Variants in TBX18 observed in about 807,000 individuals in gnomAD.
TBX18 encodes T-box transcription factor TBX18.
A neutral mutation model predicts 55.0 loss-of-function variants in TBX18; 21 were observed. The ratio of observed to expected loss-of-function variants is 0.38; its 90% CI spans 0.27 to 0.55. TBX18 has a LOEUF of 0.55. Ranked by LOEUF, TBX18 falls within the 20% of genes least tolerant of loss-of-function variation. The pLI, the probability that TBX18 is intolerant of heterozygous loss-of-function variation, is 0.73. For synonymous variants in TBX18, 342 were observed against 326.1 expected (o/e 1.05, Z -0.53); for missense variants, 840 against 799.6 (o/e 1.05, Z -0.61).
intron 6 of TBX18, among the ~76,000 whole-genome samples, chr6:84,739,947 C>T (rs6904868): frequency 0.046 from 6,943 of 152,296 alleles, 570 homozygotes; most frequent in African/African-American, 0.16. Context: ...AATACGCCTA[C>T]CCCATCTTAG....
chr6:84,744,344 A>T lies in TBX18; in HGVS notation c.940-19T>A. The T allele has an allele frequency of 6.2e-7, 1 of 1,604,000 alleles. No homozygotes were observed. Among genetic ancestry groups the T allele is most frequent in the Non-Finnish European group, 8.5e-7 (1 of 1,175,196 alleles). ...GAGTAATCTGCAGAGTAGGAAAAAAAAATATCAAATCTTATATAAATGTCA... is the reference window on the plus strand; with the variant it reads ...GAGTAATCTGCAGAGTAGGAAAAAATAATATCAAATCTTATATAAATGTCA... On this transcript the variant is annotated intron_variant, in intron 5 of 7. Transcript: ENST00000369663.
Position 84,764,051 on chromosome 6 carries a change from T to G in TBX18, c.131A>C (p.Glu44Ala). The G allele has an allele frequency of 6.4e-7, 1 of 1,561,330 alleles. No homozygotes were observed. Among genetic ancestry groups the G allele is most frequent in the Non-Finnish European group, 8.6e-7 (1 of 1,156,552 alleles). Residue 44 changes from glutamate (E) to alanine (A), a missense_variant, in exon 1 of 8, where the codon GAA becomes GCA. By Grantham distance (107) the Glu-to-Ala change is moderately radical (BLOSUM62 -1). Coordinates refer to ENST00000369663, the MANE Select transcript of TBX18 (RefSeq NM_001080508.3). ...GTCGTCCACGGCCCCCGCCGCCTCTTCGGCGCCCAGTTTTCGCCGCTTCTT... is the reference window on the plus strand; with the variant it reads ...GTCGTCCACGGCCCCCGCCGCCTCTGCGGCGCCCAGTTTTCGCCGCTTCTT... ...LQKKRRKLGA[E>A]EAAGAVDDGG...
At chr6:84,762,932 A>AT (rs1767695547) in intron 1 of TBX18, 184 bp from the exon 2 acceptor site, 1 of 631,320 alleles carries the variant, frequency 1.6e-6, no homozygotes, top group Admixed American at 2.8e-5. Context: ...TGCCTGTCGA[A>AT]GGGGCGCATT....
Position 84,738,916 on chromosome 6 carries a change from C to T in TBX18, c.1005-325G>A, listed in dbSNP as rs541724763. Among the ~76,000 whole-genome samples the T allele has an allele frequency of 2.6e-5, 4 of 152,238 alleles. No individual in the cohort carries two copies. The South Asian group carries it at 8.3e-4, about 32-fold the overall frequency. On this transcript the variant is annotated intron_variant, in intron 6 of 7. Transcript: ENST00000369663. ...GAGTCCCTCCTGGCTGCTGTGAGTC[C>T]AAGGCTCTGCTGTGATCTGGAACAC...
intron 2 of TBX18, 92 bp downstream of exon 2, chr6:84,762,452 C>G: frequency 6.9e-7 from 1 of 1,448,756 alleles, no homozygotes; most frequent in East Asian, 2.3e-5. Context: ...GAACCCCCAC[C>G]GAGCTGCAGG....
chr6:84,759,206 A>G (rs1482897669), intron 3 of TBX18, among the ~76,000 whole-genome samples: 1 of 152,142 alleles, frequency 6.6e-6, no homozygotes, highest in East Asian at 1.9e-4. Context: ...TATACACAAA[A>G]CAAATAATAA....
rs1773849411 is a variant in TBX18 at position 84,733,175 on chromosome 6, T to C, written c.*3510A>G. On this transcript the variant is annotated 3_prime_UTR_variant, in exon 8 of 8. Transcript: ENST00000369663. ...TAGAGGGATACTAAGTTTATATATC[T>C]GTTGAATGTTTGTATACTTGAATAT... The C allele has an allele frequency of 6.6e-6, 1 of 152,236 alleles. No individual in the cohort carries two copies. Among genetic ancestry groups the C allele is most frequent in the South Asian group, 2.1e-4 (1 of 4,834 alleles). The allele number at this position is 152,236 out of a possible 1,614,324, so 9.4% of individuals were successfully genotyped here. A position where few individuals can be genotyped will look rare whatever the true frequency, so the allele number is the denominator to read the frequency against.
intron 4 of TBX18, among the ~76,000 whole-genome samples, chr6:84,752,769 G>A (rs915600160): frequency 6.6e-6 from 1 of 152,138 alleles, no homozygotes. Context: ...AAGAGTGAAG[G>A]CATCAGTATC....
rs1181907082 is a variant in TBX18 at position 84,733,909 on chromosome 6, G to T, written c.*2776C>A. ...CACTGTGCCCCAACCTTCTCTGGGG[G>T]CCACCAAGGATTCCTGACCCCTTAC... On this transcript the variant is annotated 3_prime_UTR_variant, in exon 8 of 8. Coordinates refer to ENST00000369663, the MANE Select transcript of TBX18 (RefSeq NM_001080508.3). 1 of 152,042 alleles carries T rather than the reference G, an allele frequency of 6.6e-6. No individual in the cohort carries two copies. Among genetic ancestry groups the T allele is most frequent in the Non-Finnish European group, 1.5e-5 (1 of 67,992 alleles). 9.4% of individuals were successfully genotyped at this position (152,042 alleles called of 1,614,324 possible).
At chr6:84,760,486 C>A in intron 2 of TBX18, 130 bp from the exon 3 acceptor site, 1 of 559,394 alleles carries the variant, frequency 1.8e-6, no homozygotes, top group Non-Finnish European at 3.1e-6. Context: ...TTCACTTTGC[C>A]AATGTAATTC....
chr6:84,745,248 T>A (rs994524776), intron 5 of TBX18, among the ~76,000 whole-genome samples: 3 of 152,180 alleles, frequency 2.0e-5, no homozygotes, highest in Non-Finnish European at 4.4e-5. Context: ...AATAGTTTTT[T>A]TAGTTATGCC....
At chr6:84,743,275 G>C (rs766841589) in intron 6 of TBX18, among the ~76,000 whole-genome samples, 1 of 152,098 alleles carries the variant, frequency 6.6e-6, no homozygotes, top group Non-Finnish European at 1.5e-5. Flanking sequence ...TCACATCTCT[G>C]CAAGAACTTG....
chr6:84,762,490 A>G (rs1347305452), intron 2 of TBX18, 54 bp downstream of exon 2: 1 of 1,594,676 alleles, frequency 6.3e-7, no homozygotes. Context: ...GCTAGAGGTG[A>G]GTGAAGACAG....
chr6:84,738,276 T>C (rs532853141), intron 7 of TBX18, among the ~76,000 whole-genome samples: 2 of 152,222 alleles, frequency 1.3e-5, no homozygotes, highest in African/African-American at 2.4e-5. Flanking sequence ...GGTCATGAAA[T>C]ATACAAACAG....
At chr6:84,747,440 G>T (rs1767226490) in intron 5 of TBX18, among the ~76,000 whole-genome samples, 1 of 152,092 alleles carries the variant, frequency 6.6e-6, no homozygotes, top group African/African-American at 2.4e-5. Context: ...CTATAAGCAA[G>T]TTTATCATCC....
chr6:84,738,922 T>G (rs958049527), intron 6 of TBX18, among the ~76,000 whole-genome samples: 23 of 152,152 alleles, frequency 1.5e-4, no homozygotes, highest in African/African-American at 4.6e-4. Context: ...AGTCCAAGGC[T>G]CTGCTGTGAT....
In TBX18 at chr6:84,744,333, G is replaced by C. The variant is rs1464513709; in HGVS notation, c.940-8C>G. The C allele has an allele frequency of 1.2e-6, 2 of 1,605,648 alleles. No homozygotes were observed. Among genetic ancestry groups the C allele is most frequent in the Non-Finnish European group, 8.5e-7 (1 of 1,176,890 alleles). ...TATCTTCAGGCGAGTAATCTGCAGA[G>C]TAGGAAAAAAAAATATCAAATCTTA... is the stretch of plus-strand genomic sequence containing the variant. On this transcript the variant is annotated splice_polypyrimidine_tract_variant and splice_region_variant and intron_variant, in intron 5 of 7. Coordinates refer to ENST00000369663, the MANE Select transcript of TBX18 (RefSeq NM_001080508.3).
Position 84,736,614 on chromosome 6 carries a change from C to G in TBX18, c.*71G>C. On this transcript the variant is annotated 3_prime_UTR_variant, in exon 8 of 8. Coordinates refer to ENST00000369663, the MANE Select transcript of TBX18 (RefSeq NM_001080508.3). ...TTATAAACCACAGAGAGTTTCTTTC[C>G]ACATAGCTTTTAAAAAAGAAAAAGA... is the stretch of plus-strand genomic sequence containing the variant. 1.4e-6 allele frequency: 2 copies of G among 1,438,552 alleles called. No individual in the cohort carries two copies. The highest frequency in any genetic ancestry group is 3.3e-5 in the South Asian group (2 of 61,454). 89.1% of individuals were successfully genotyped at this position (1,438,552 alleles called of 1,614,324 possible). A position where few individuals can be genotyped will look rare whatever the true frequency, so the allele number is the denominator to read the frequency against.
rs746760542 is a variant in TBX18 at position 84,747,933 on chromosome 6, T to C, written c.926A>G (p.Tyr309Cys). 6.2e-7 allele frequency: 1 copy of C among 1,612,464 alleles called. No individual in the cohort carries two copies. The highest frequency in any genetic ancestry group is 8.5e-7 in the Non-Finnish European group (1 of 1,178,910). Reference protein sequence around the residue: ...PETVFTTVTAYQNQQITRLKI... With the variant: ...PETVFTTVTACQNQQITRLKI... ...TGAGAACAATACCTGCTGATTCTGA[T>C]AGGCAGTGACGGTTGTGAAGACAGT... is the stretch of plus-strand genomic sequence containing the variant. The change falls in exon 5 of 8, where the codon TAT becomes TGT. Residue 309 changes from tyrosine to cysteine, a missense_variant. By Grantham distance (194) the Tyr-to-Cys change is radical (BLOSUM62 -2). Transcript: ENST00000369663.
Sources: gnomAD v4.1 joint callset for allele counts (sites outside exome capture counted in the v4.1 genomes callset) on GRCh38, gnomAD v4.1.1 for gene constraint, MANE v1.5 for transcripts, NCBI Gene and HGNC (gene_info 2026-07-23, HGNC 2026-07-21) for gene names.